The following CADM2 variants were observed in gnomAD, a reference collection of about 807,000 sequenced individuals.
CADM2 encodes cell adhesion molecule 2, also known as immunoglobulin superfamily member 4D.
CADM2 carries 12 observed loss-of-function variants against 49.8 expected under a neutral mutation model. The observed-to-expected ratio is 0.24, with a 90% CI of 0.15 to 0.39. CADM2 has a LOEUF of 0.39. CADM2 is among the 10% of genes least tolerant of loss of function. The probability of loss-of-function intolerance (pLI) is 1.00; values close to 1 mark genes in which losing one functional copy is unlikely to be tolerated. For synonymous variants in CADM2, 214 were observed against 175.4 expected, an observed-to-expected ratio of 1.22 and a Z score of -1.74; for missense variants, 378 against 492.3, an observed-to-expected ratio of 0.77 and a Z score of 2.20.
At chr3:85,724,163 TA>T (rs1261233518) in intron 1 of CADM2, among the ~76,000 whole-genome samples, 6 of 152,034 alleles carry the variant, frequency 3.9e-5, no homozygotes, top group African/African-American at 1.2e-4. Context: ...TTTATGATTT[TA>T]AAGATATGAA....
chr3:85,783,243 C>G lies in CADM2; in HGVS notation c.89-18804C>G, dbSNP rs116328453. ...AGATAAAACTCTTATGTAAGAACAG[C>G]AGAGTTTATAAGATTTGGTTAAATG... On this transcript the variant is annotated intron_variant, in intron 2 of 9. Transcript: ENST00000383699. Among the ~76,000 whole-genome samples, 1,112 of 152,174 alleles carry G rather than the reference C, an allele frequency of 7.3e-3. 12 individuals are homozygous for G. The highest frequency in any genetic ancestry group is 0.025 in the African/African-American group (1,048 of 41,516).
At chr3:86,024,621 A>C (rs1422629395) in intron 8 of CADM2, among the ~76,000 whole-genome samples, 1 of 152,194 alleles carries the variant, frequency 6.6e-6, no homozygotes, top group Non-Finnish European at 1.5e-5. Context: ...TAAATGATAC[A>C]TCTATAAAAA....
At chr3:85,592,084 G>A (rs1161127233) in intron 1 of CADM2, among the ~76,000 whole-genome samples, 1 of 151,860 alleles carries the variant, frequency 6.6e-6, no homozygotes, top group African/African-American at 2.4e-5. Context: ...TTGATTTGTA[G>A]TCATCCAGCA....
At chr3:86,020,255 T>C (rs1732951991) in intron 8 of CADM2, among the ~76,000 whole-genome samples, 2 of 151,626 alleles carry the variant, frequency 1.3e-5, no homozygotes, top group African/African-American at 2.4e-5. Flanking sequence ...GATAAATTCC[T>C]CGACACATAC....
chr3:85,082,850 A>G (rs1423053462), intron 1 of CADM2, among the ~76,000 whole-genome samples: 2 of 152,106 alleles, frequency 1.3e-5, no homozygotes, highest in African/African-American at 2.4e-5. Flanking sequence ...GCAAACACAA[A>G]GCTTCTCCAT....
At chr3:85,933,942 A>T (rs922658975) in intron 6 of CADM2, among the ~76,000 whole-genome samples, 5 of 152,188 alleles carry the variant, frequency 3.3e-5, no homozygotes, top group South Asian at 4.1e-4. Flanking sequence ...CATCTGCTCT[A>T]CTCAGTCTAC....
intron 1 of CADM2, among the ~76,000 whole-genome samples, chr3:85,487,920 T>G (rs1559865121): frequency 6.6e-6 from 1 of 152,142 alleles, no homozygotes; most frequent in Non-Finnish European, 1.5e-5. Context: ...TAAACTGTTG[T>G]TCCTCTTGCC....
At chr3:85,742,105 T>C (rs2068415597) in intron 2 of CADM2, among the ~76,000 whole-genome samples, 1 of 152,204 alleles carries the variant, frequency 6.6e-6, no homozygotes, top group African/African-American at 2.4e-5. Context: ...CATTATAGAA[T>C]ACAAAAGCAC....
At chr3:85,655,910 TGCTGCATTAGTTTGTCTTCCTCATAGA>T (rs2065182305) in intron 1 of CADM2, among the ~76,000 whole-genome samples, 1 of 152,150 alleles carries the variant, frequency 6.6e-6, no homozygotes, top group African/African-American at 2.4e-5. Context: ...TTTTGAGAAC[TGCTGCATTAGTTTGTCTTCCTCATAGA>T]GCAGAAGCCT....
chr3:85,846,032 A>G (rs1422681047), intron 3 of CADM2, among the ~76,000 whole-genome samples: 1 of 152,106 alleles, frequency 6.6e-6, no homozygotes, highest in Non-Finnish European at 1.5e-5. Flanking sequence ...GATTCCAAAT[A>G]AAAGAAAGAA....
chr3:85,882,529 G>A (rs1285788655), intron 3 of CADM2, among the ~76,000 whole-genome samples: 1 of 152,034 alleles, frequency 6.6e-6, no homozygotes, highest in Admixed American at 6.6e-5. Context: ...ACCTTTTAGA[G>A]TACTCTTTTA....
At chr3:85,280,934 T>A (rs1204984728) in intron 1 of CADM2, among the ~76,000 whole-genome samples, 1 of 151,542 alleles carries the variant, frequency 6.6e-6, no homozygotes, top group East Asian at 1.9e-4. Flanking sequence ...TGAAGTAAAA[T>A]AAAAAGAATT....
In CADM2 at chr3:86,070,035, T is replaced by C. The variant is rs1298414340; in HGVS notation, c.*3252T>C. 1.3e-5 allele frequency: 2 copies of C among 151,946 alleles called. No homozygotes were observed. Among genetic ancestry groups the C allele is most frequent in the East Asian group, 3.9e-4 (2 of 5,188 alleles). 9.4% of individuals were successfully genotyped at this position (151,946 alleles called of 1,614,324 possible). On this transcript the variant is annotated 3_prime_UTR_variant, in exon 10 of 10. Coordinates refer to ENST00000383699, the MANE Select transcript of CADM2 (RefSeq NM_001167675.2). ...AAGAGAGAGAAATTTCAACTTGTTT[T>C]CTTTTACCAGAGAATCCAAGAAGCA...
At chr3:85,303,318 T>A (rs577923681) in intron 1 of CADM2, among the ~76,000 whole-genome samples, 1 of 152,106 alleles carries the variant, frequency 6.6e-6, no homozygotes, top group Non-Finnish European at 1.5e-5. Flanking sequence ...CTGAGAGGTT[T>A]AGAAAGCTGC....
intron 1 of CADM2, among the ~76,000 whole-genome samples, chr3:85,332,767 A>C (rs965840227): frequency 2.6e-5 from 4 of 151,938 alleles, no homozygotes; most frequent in Non-Finnish European, 5.9e-5. Context: ...CTAGTCAAGC[A>C]AAGGCAGATA....
intron 1 of CADM2, among the ~76,000 whole-genome samples, chr3:85,199,004 C>T (rs554647795): frequency 1.3e-5 from 2 of 151,934 alleles, no homozygotes; most frequent in East Asian, 3.9e-4. Flanking sequence ...GCTTATTTTT[C>T]CTCCGCTGCA....
At chr3:85,779,728 C>A (rs1577294476) in intron 2 of CADM2, among the ~76,000 whole-genome samples, 1 of 152,222 alleles carries the variant, frequency 6.6e-6, no homozygotes, top group Middle Eastern at 3.4e-3. Context: ...AGCCATATCA[C>A]CTATATTTTA....
intron 1 of CADM2, among the ~76,000 whole-genome samples, chr3:85,718,780 A>T (rs2067389966): frequency 6.6e-6 from 1 of 151,624 alleles, no homozygotes; most frequent in East Asian, 1.9e-4. Context: ...AGATTACTGA[A>T]ATCTCAAAAT....
intron 1 of CADM2, among the ~76,000 whole-genome samples, chr3:85,591,784 T>G (rs2063115765): frequency 6.6e-6 from 1 of 152,000 alleles, no homozygotes; most frequent in South Asian, 2.1e-4. Context: ...CAGCAAAAGA[T>G]CTAATAATAC....
Sources: gnomAD v4.1 joint callset for allele counts (sites outside exome capture counted in the v4.1 genomes callset) on GRCh38, gnomAD v4.1.1 for gene constraint, MANE v1.5 for transcripts, NCBI Gene and HGNC (gene_info 2026-07-23, HGNC 2026-07-21) for gene names.